METAP1D: variants seen among roughly 807,000 people sequenced by gnomAD.
METAP1D encodes methionine aminopeptidase 1D, mitochondrial.
A neutral mutation model predicts 40.5 loss-of-function variants in METAP1D; 31 were observed. The ratio of observed to expected loss-of-function variants is 0.77; its 90% CI spans 0.58 to 1.03. METAP1D has a LOEUF of 1.03. Ranked by LOEUF, METAP1D falls within the 50% of genes least tolerant of loss-of-function variation. The pLI is 0.00. For synonymous variants in METAP1D, 151 were observed against 146.4 expected (o/e 1.03, Z -0.22); for missense variants, 411 against 420.7 (o/e 0.98, Z 0.20).
intron 1 of METAP1D, among the ~76,000 whole-genome samples, chr2:172,053,326 A>G (rs1689929393): frequency 6.6e-6 from 1 of 152,224 alleles, no homozygotes; most frequent in Admixed American, 6.5e-5. Flanking sequence ...TTCCTATGCT[A>G]TAGTCCCTTC....
intron 1 of METAP1D, among the ~76,000 whole-genome samples, chr2:172,030,645 G>C (rs1432706871): frequency 6.6e-6 from 1 of 152,184 alleles, no homozygotes; most frequent in African/African-American, 2.4e-5. Flanking sequence ...TAGGAATGCA[G>C]CCAGCAATTA....
chr2:172,048,498 C>T lies in METAP1D; in HGVS notation c.41-13000C>T, dbSNP rs374639345. Among the ~76,000 whole-genome samples, 11 of 151,982 alleles carry T rather than the reference C, an allele frequency of 7.2e-5. No individual in the cohort carries two copies. The East Asian group carries it at 1.4e-3, about 19-fold the overall frequency. ...ATTTAACTAACTTGTTTAAGTAAACCAATAGTACTCAGAGAAGGAAAACCA... is the reference window on the plus strand; with the variant it reads ...ATTTAACTAACTTGTTTAAGTAAACTAATAGTACTCAGAGAAGGAAAACCA... On this transcript the variant is annotated intron_variant, in intron 1 of 9. Coordinates refer to ENST00000315796, the MANE Select transcript of METAP1D (RefSeq NM_199227.3).
chr2:172,071,548 A>T (rs943542388), intron 6 of METAP1D, among the ~76,000 whole-genome samples: 1 of 152,224 alleles, frequency 6.6e-6, no homozygotes, highest in Non-Finnish European at 1.5e-5. Flanking sequence ...AGATTAACAA[A>T]TAGCCTGAAA....
At chr2:172,080,302 T>G (rs1690670714) in intron 9 of METAP1D, 26 bp from the exon 10 acceptor site, 6 of 1,614,054 alleles carry the variant, frequency 3.7e-6, no homozygotes, top group African/African-American at 1.3e-5. Flanking sequence ...GCGTGCGCGT[T>G]CTGACGGCTG....
At chr2:172,033,907 C>G (rs1280533051) in intron 1 of METAP1D, among the ~76,000 whole-genome samples, 1 of 151,720 alleles carries the variant, frequency 6.6e-6, no homozygotes, top group Non-Finnish European at 1.5e-5. Context: ...GAAACCCTGT[C>G]TCAACTAAAA....
At chr2:172,078,926 G>A (rs1430740688) in intron 7 of METAP1D, among the ~76,000 whole-genome samples, 5 of 152,258 alleles carry the variant, frequency 3.3e-5, no homozygotes, top group South Asian at 2.1e-4. Flanking sequence ...GAGAGGGGGC[G>A]AGGAAGCCTG....
intron 3 of METAP1D, 115 bp downstream of exon 3, chr2:172,063,975 A>G (rs1004104493): frequency 3.6e-5 from 45 of 1,243,272 alleles, no homozygotes; most frequent in Non-Finnish European, 4.7e-5. Flanking sequence ...TTAAAAATTT[A>G]TTTGTTTTAA....
At position 172,041,726 on chromosome 2, in the gene METAP1D, TTATATATATATATATATATATATATA is replaced by T. The variant is rs67708838; in HGVS notation, c.41-19756_41-19731del. Among the ~76,000 whole-genome samples the T allele has an allele frequency of 4.3e-4, 16 of 37,568 alleles. 3 individuals carry two copies. The highest frequency in any genetic ancestry group is 1.5e-3 in the Admixed American group (4 of 2,614). 24.6% of individuals were successfully genotyped at this position (37,568 alleles called of 152,430 possible). On this transcript the variant is annotated intron_variant, in intron 1 of 9. Coordinates refer to ENST00000315796, the MANE Select transcript of METAP1D (RefSeq NM_199227.3). ...TTTTAATTTCCTTACTCTAATTATT[TTATATATATATATATATATATATATA>T]TATATATATATATATTTCATCCCCC...
intron 1 of METAP1D, among the ~76,000 whole-genome samples, chr2:172,003,883 G>T (rs761373136): frequency 6.6e-6 from 1 of 152,000 alleles, no homozygotes; most frequent in Non-Finnish European, 1.5e-5. Flanking sequence ...TCCTGCCTCA[G>T]CCTCCCGAGT....
At chr2:172,026,109 C>T (rs1689114771) in intron 1 of METAP1D, among the ~76,000 whole-genome samples, 1 of 152,084 alleles carries the variant, frequency 6.6e-6, no homozygotes, top group Non-Finnish European at 1.5e-5. Flanking sequence ...CAAACATATT[C>T]CCATGTTGCA....
At chr2:172,018,380 A>G (rs1688929849) in intron 1 of METAP1D, among the ~76,000 whole-genome samples, 1 of 152,208 alleles carries the variant, frequency 6.6e-6, no homozygotes, top group African/African-American at 2.4e-5. Flanking sequence ...AATAGGAAGT[A>G]AATGGCAGCA....
At chr2:172,061,768 CA>C (rs1690149441) in intron 2 of METAP1D, 113 bp downstream of exon 2, 1 of 932,932 alleles carries the variant, frequency 1.1e-6, no homozygotes, top group African/African-American at 1.7e-5. Context: ...TTTTAATTTT[CA>C]AACTAGGTTT....
At chr2:172,074,180 ATG>A (rs1690489309) in intron 6 of METAP1D, among the ~76,000 whole-genome samples, 2 of 152,192 alleles carry the variant, frequency 1.3e-5, no homozygotes, top group Non-Finnish European at 1.5e-5. Context: ...TATATTGTGA[ATG>A]TGTAGATTCA....
At position 172,035,822 on chromosome 2, in the gene METAP1D, A is replaced by AT. The variant is rs985718666; in HGVS notation, c.41-25668dup. On this transcript the variant is annotated intron_variant, in intron 1 of 9. Transcript: ENST00000315796. ...TGCCATCATGCCTGGCTAATTTTTAATTTTTTTTAGAGACAGAGTCTTCCT... is the reference window on the plus strand; with the variant it reads ...TGCCATCATGCCTGGCTAATTTTTAATTTTTTTTTAGAGACAGAGTCTTCCT... Among the ~76,000 whole-genome samples the AT allele has an allele frequency of 3.4e-5, 5 of 149,216 alleles. 1 individual carries two copies. Among genetic ancestry groups the AT allele is most frequent in the African/African-American group, 9.9e-5 (4 of 40,586 alleles).
At chr2:172,010,316 A>AT (rs1439844713) in intron 1 of METAP1D, among the ~76,000 whole-genome samples, 2 of 150,472 alleles carry the variant, frequency 1.3e-5, no homozygotes, top group African/African-American at 2.4e-5. Context: ...AATTTTTTGC[A>AT]TTTTTTGTAG....
Position 172,004,863 on chromosome 2 carries a change from T to A in METAP1D, c.40+4854T>A, listed in dbSNP as rs1688540911. On this transcript the variant is annotated intron_variant, in intron 1 of 9. Coordinates refer to ENST00000315796, the MANE Select transcript of METAP1D (RefSeq NM_199227.3). ...TGAAACCTTGGCTCTAAAGTGCTCC[T>A]AAATCCATACATACTTGTATGTGTT... Among the ~76,000 whole-genome samples the A allele has an allele frequency of 2.0e-5, 3 of 152,330 alleles. No individual in the cohort carries two copies. In the South Asian group the frequency reaches 6.2e-4, roughly 32 times the overall value.
At chr2:172,035,348 T>A (rs1188164832) in intron 1 of METAP1D, among the ~76,000 whole-genome samples, 4 of 152,012 alleles carry the variant, frequency 2.6e-5, no homozygotes, top group African/African-American at 9.7e-5. Context: ...GTATTTTTAG[T>A]AGAGATGGGG....
At chr2:172,045,398 C>A (rs1168502865) in intron 1 of METAP1D, among the ~76,000 whole-genome samples, 1 of 132,676 alleles carries the variant, frequency 7.5e-6, no homozygotes, top group Non-Finnish European at 1.8e-5. Flanking sequence ...CGGTGGCTCA[C>A]CCCTGTAATC....
chr2:172,029,830 C>T (rs1030535593), intron 1 of METAP1D, among the ~76,000 whole-genome samples: 3 of 152,184 alleles, frequency 2.0e-5, no homozygotes, highest in African/African-American at 4.8e-5. Flanking sequence ...TCTCAGCTCA[C>T]TGCAACCTCC....
Sources: allele counts gnomAD v4.1 joint callset (sites outside exome capture counted in the v4.1 genomes callset), GRCh38; gene constraint gnomAD v4.1.1; transcripts MANE v1.5; gene names NCBI Gene and HGNC (gene_info 2026-07-23, HGNC 2026-07-21).